The following ANKRD44 variants were observed in gnomAD, a reference collection of about 807,000 sequenced individuals.
ANKRD44 encodes the protein ankyrin repeat domain 44, also known as serine/threonine-protein phosphatase 6 regulatory ankyrin repeat subunit B.
A neutral mutation model predicts 116.0 loss-of-function variants in ANKRD44; 35 were observed. That is an observed-to-expected ratio of 0.30 (90% CI 0.23 to 0.40). ANKRD44 has a LOEUF of 0.40. Ranked by LOEUF, ANKRD44 falls within the 10% of genes least tolerant of loss-of-function variation. ANKRD44 has a pLI of 1.00. For synonymous variants in ANKRD44, 435 were observed against 461.8 expected (o/e 0.94, Z 0.74); for missense variants, 1,014 against 1,242.6 (o/e 0.82, Z 2.77).
chr2:197,194,790 A>C (rs2080908399), intron 1 of ANKRD44, among the ~76,000 whole-genome samples: 1 of 152,244 alleles, frequency 6.6e-6, no homozygotes, highest in African/African-American at 2.4e-5. Context: ...CTAACAATAA[A>C]ATAATCTTAC....
chr2:197,034,115 G>A (rs192322555), intron 16 of ANKRD44, among the ~76,000 whole-genome samples: 1 of 137,184 alleles, frequency 7.3e-6, no homozygotes, highest in African/African-American at 2.7e-5. Context: ...ATACAAACTC[G>A]TAATTCAGCT....
chr2:197,288,048 A>G (rs1037749820), intron 1 of ANKRD44, among the ~76,000 whole-genome samples: 1 of 151,528 alleles, frequency 6.6e-6, no homozygotes, highest in African/African-American at 2.4e-5. Flanking sequence ...AAAAAGAAAG[A>G]AAAGAAAAAA....
At chr2:197,084,624 T>C (rs1009653994) in intron 13 of ANKRD44, among the ~76,000 whole-genome samples, 1 of 152,206 alleles carries the variant, frequency 6.6e-6, no homozygotes, top group Non-Finnish European at 1.5e-5. Context: ...TCTTGACTTC[T>C]TCACCCTTAT....
At chr2:196,990,399 C>G in intron 27 of ANKRD44, 1 of 1,079,662 alleles carries the variant, frequency 9.3e-7, no homozygotes, top group Non-Finnish European at 1.1e-6. Flanking sequence ...CCCCAAAGAA[C>G]AGGAATTAAA....
In ANKRD44 at chr2:197,001,784, C is replaced by A; in HGVS notation, c.2404G>T (p.Gly802Cys). 2.5e-6 allele frequency: 4 copies of A among 1,613,388 alleles called. No homozygotes were observed. The highest frequency in any genetic ancestry group is 3.4e-6 in the Non-Finnish European group (4 of 1,179,484). The change falls in exon 22 of 28, where the codon GGT becomes TGT. Residue 802 changes from glycine (G) to cysteine (C), a missense_variant. Gly to Cys is a radical substitution (Grantham distance 159, BLOSUM62 -3). Transcript: ENST00000282272. ...LEQKCFRKFI[G>C]NPFTPLHCAI... ...CAGTGCAGTGGAGTAAAGGGATTAC[C>A]GATAAATTTGCGAAAACATTTTTGC...
At chr2:197,096,404 T>TA (rs1559058187) in intron 10 of ANKRD44, among the ~76,000 whole-genome samples, 1 of 152,130 alleles carries the variant, frequency 6.6e-6, no homozygotes. Context: ...ATAGGCAAAT[T>TA]AAAATCCTCG....
At chr2:197,063,426 G>A (rs560332194) in intron 16 of ANKRD44, among the ~76,000 whole-genome samples, 17 of 152,262 alleles carry the variant, frequency 1.1e-4, no homozygotes, top group South Asian at 1.0e-3. Context: ...GCAGCTCCTC[G>A]CCAGCAACAG....
At chr2:197,223,876 T>G (rs1200102142) in intron 1 of ANKRD44, among the ~76,000 whole-genome samples, 1 of 152,178 alleles carries the variant, frequency 6.6e-6, no homozygotes, top group Non-Finnish European at 1.5e-5. Context: ...ACTTACATAA[T>G]GGAAAAGTTT....
rs561798697 is a variant in ANKRD44, at chr2:197,061,705, G to A, written c.1650+16998C>T. On this transcript the variant is annotated intron_variant, in intron 16 of 27. Coordinates refer to ENST00000282272, the MANE Select transcript of ANKRD44 (RefSeq NM_001195144.2). ...CCCTATGGAGAACTAGGAAATGTGGGTGATAAGTCAATATTAATGTGGCAT... is the reference window on the plus strand; with the variant it reads ...CCCTATGGAGAACTAGGAAATGTGGATGATAAGTCAATATTAATGTGGCAT... Among the ~76,000 whole-genome samples, 4 of 151,918 alleles carry A rather than the reference G, an allele frequency of 2.6e-5. No homozygotes were observed. In the South Asian group the frequency reaches 6.2e-4, roughly 24 times the overall value.
At chr2:197,297,718 G>A (rs2083765614) in intron 1 of ANKRD44, among the ~76,000 whole-genome samples, 1 of 152,162 alleles carries the variant, frequency 6.6e-6, no homozygotes, top group South Asian at 2.1e-4. Flanking sequence ...TCGGTTAGAT[G>A]CCACAATATT....
intron 1 of ANKRD44, among the ~76,000 whole-genome samples, chr2:197,234,490 C>A (rs776051441): frequency 1.4e-4 from 21 of 152,232 alleles, no homozygotes; most frequent in Non-Finnish European, 3.1e-4. Flanking sequence ...CCACGCCCAG[C>A]CCAGCCACAG....
chr2:197,248,618 GAA>G (rs2082249551), intron 1 of ANKRD44, among the ~76,000 whole-genome samples: 1 of 148,362 alleles, frequency 6.7e-6, no homozygotes, highest in Non-Finnish European at 1.5e-5. Flanking sequence ...AGAGAGAGGA[GAA>G]AGACATAGAG....
intron 2 of ANKRD44, among the ~76,000 whole-genome samples, chr2:197,160,413 T>C (rs185430183): frequency 2.4e-4 from 36 of 152,280 alleles, no homozygotes; most frequent in Admixed American, 9.2e-4. Flanking sequence ...CAAGAAGTTA[T>C]ATTTGTTTAC....
intron 4 of ANKRD44, among the ~76,000 whole-genome samples, chr2:197,126,301 C>G (rs1002858948): frequency 1.3e-5 from 2 of 152,212 alleles, no homozygotes; most frequent in South Asian, 4.1e-4. Flanking sequence ...ATGATGATGT[C>G]CTTACAATGT....
intron 2 of ANKRD44, among the ~76,000 whole-genome samples, chr2:197,169,187 C>T (rs2080169036): frequency 6.6e-6 from 1 of 152,154 alleles, no homozygotes; most frequent in Non-Finnish European, 1.5e-5. Context: ...GCCTTTGCTC[C>T]TGTCTTTATC....
At chr2:197,252,464 T>C (rs2082340946) in intron 1 of ANKRD44, among the ~76,000 whole-genome samples, 1 of 152,102 alleles carries the variant, frequency 6.6e-6, no homozygotes, top group African/African-American at 2.4e-5. Context: ...TGGAGCGCAG[T>C]AGCGCGATCT....
At chr2:197,130,530 G>T (rs954248020) in intron 4 of ANKRD44, among the ~76,000 whole-genome samples, 2 of 152,090 alleles carry the variant, frequency 1.3e-5, no homozygotes, top group Admixed American at 1.3e-4. Flanking sequence ...GAATCACTAG[G>T]GGTGAGGTTT....
At chr2:197,000,675 T>C (rs1438234868) in intron 22 of ANKRD44, among the ~76,000 whole-genome samples, 173 bp from the exon 23 acceptor site, 2 of 152,246 alleles carry the variant, frequency 1.3e-5, no homozygotes, top group Admixed American at 6.5e-5. Context: ...CTAGCATTAC[T>C]TCAGAACCTC....
chr2:197,228,438 G>T (rs747024522), intron 1 of ANKRD44, among the ~76,000 whole-genome samples: 1 of 152,156 alleles, frequency 6.6e-6, no homozygotes, highest in Non-Finnish European at 1.5e-5. Context: ...CAAACTCTTC[G>T]CTTTCTCACC....
Sources: gnomAD v4.1 joint callset for allele counts (sites outside exome capture counted in the v4.1 genomes callset) on GRCh38, gnomAD v4.1.1 for gene constraint, MANE v1.5 for transcripts, NCBI Gene and HGNC (gene_info 2026-07-23, HGNC 2026-07-21) for gene names.